The following KIF5A variants were observed in gnomAD, a reference collection of about 807,000 sequenced individuals.
KIF5A encodes kinesin family member 5A.
In KIF5A, 35 loss-of-function variants were observed where a neutral mutation model predicts 141.3. That is an observed-to-expected ratio of 0.25 (90% CI 0.19 to 0.33). KIF5A has a LOEUF of 0.33. Ranked by LOEUF, KIF5A falls within the 10% of genes least tolerant of loss-of-function variation. The pLI is 1.00. For synonymous variants in KIF5A, 448 were observed against 500.2 expected, an observed-to-expected ratio of 0.90 and a Z score of 1.39; for missense variants, 861 against 1,314.3, an observed-to-expected ratio of 0.66 and a Z score of 5.33.
At chr12:57,567,240 C>T (rs759521666) in intron 7 of KIF5A, 27 bp downstream of exon 7, 43 of 1,545,436 alleles carry the variant, frequency 2.8e-5, no homozygotes, top group Middle Eastern at 1.7e-4. Context: ...GGGGATCTCT[C>T]GAGTCTGAGG....
intron 1 of KIF5A, among the ~76,000 whole-genome samples, chr12:57,556,279 C>T (rs1303850306): frequency 6.6e-6 from 1 of 152,080 alleles, no homozygotes; most frequent in Non-Finnish European, 1.5e-5. Flanking sequence ...GCTGGGACTA[C>T]AGGCGCCTGC....
chr12:57,560,973 G>T (rs1317164024), intron 1 of KIF5A, among the ~76,000 whole-genome samples: 2 of 152,050 alleles, frequency 1.3e-5, no homozygotes, highest in Non-Finnish European at 2.9e-5. Context: ...CTACATGACA[G>T]ATGAGACCCT....
Position 57,550,214 on chromosome 12 carries a change from G to A in KIF5A, c.-58G>A, listed in dbSNP as rs1881525083. On this transcript the variant is annotated 5_prime_UTR_variant, in exon 1 of 29. Transcript: ENST00000455537. This position sits in a 1 kb window ranked among gnomAD's most constrained non-coding sequence, Gnocchi z 4.6. Reference sequence around the variant, plus strand: ...GCCTCTGCTGAGAGCCCTCTCCTCTGGAGCACACACCACCCCTGCAGCCCA... The same window carrying A: ...GCCTCTGCTGAGAGCCCTCTCCTCTAGAGCACACACCACCCCTGCAGCCCA... 1 of 1,611,296 alleles carries A rather than the reference G, an allele frequency of 6.2e-7. No homozygotes were observed.
chr12:57,569,463 C>T (rs558983874), intron 10 of KIF5A, 59 bp downstream of exon 10: 56 of 1,612,778 alleles, frequency 3.5e-5, no homozygotes, highest in Admixed American at 8.3e-5. Flanking sequence ...CCAGCCTCTG[C>T]GGCTCTCTCT....
Position 57,557,711 on chromosome 12 carries a change from G to GT in KIF5A, c.130-5718dup, listed in dbSNP as rs1436056034. ...AACTTTATTATTTTACAATTTTTCTGTTTTTTTTTTGAGATGGAGTCAGGC... is the reference window on the plus strand; with the variant it reads ...AACTTTATTATTTTACAATTTTTCTGTTTTTTTTTTTGAGATGGAGTCAGGC... On this transcript the variant is annotated intron_variant, in intron 1 of 28. Transcript: ENST00000455537. Among the ~76,000 whole-genome samples the GT allele has an allele frequency of 1.8e-3, 260 of 146,618 alleles. 1 individual carries two copies. Among genetic ancestry groups the GT allele is most frequent in the Non-Finnish European group, 2.1e-3 (140 of 66,260 alleles).
intron 1 of KIF5A, among the ~76,000 whole-genome samples, chr12:57,558,929 A>G (rs1037833564): frequency 2.6e-5 from 4 of 151,838 alleles, no homozygotes; most frequent in African/African-American, 9.7e-5. Context: ...GGCCCATGCC[A>G]CCACACCTGG....
chr12:57,576,858 C>T lies in KIF5A; in HGVS notation c.2296C>T (p.Leu766=). ...EHEKSTKLQE[L]TFLYERHEQS... ...CGAGAAGAGCACCAAGCTGCAGGAG[C>T]TGACGTGAGTGGCATGGATTTACCT... Residue 766 remains leucine, a synonymous_variant, in exon 20 of 29, where the codon CTG becomes TTG. Coordinates refer to ENST00000455537, the MANE Select transcript of KIF5A (RefSeq NM_004984.4). The T allele has an allele frequency of 6.2e-7, 1 of 1,611,982 alleles. No homozygotes were observed. The highest frequency in any genetic ancestry group is 1.1e-5 in the South Asian group (1 of 90,972).
Position 57,569,248 on chromosome 12 carries a change from TC to T in KIF5A, c.820-3del, listed in dbSNP as rs1349311406. On this transcript the variant is annotated splice_polypyrimidine_tract_variant and splice_region_variant and intron_variant, in intron 9 of 28. Coordinates refer to ENST00000455537, the MANE Select transcript of KIF5A (RefSeq NM_004984.4). Reference sequence around the variant, plus strand: ...TATTTCTGATTCCTGGTCTCCTTCCTCCCCCAGAAAAGCTATGTTCCATATC... The same window carrying T: ...TATTTCTGATTCCTGGTCTCCTTCCTCCCCAGAAAAGCTATGTTCCATATC... 7 of 1,613,502 alleles carry T rather than the reference TC, an allele frequency of 4.3e-6. No individual in the cohort carries two copies. The highest frequency in any genetic ancestry group is 5.9e-6 in the Non-Finnish European group (7 of 1,179,790).
At chr12:57,579,466 A>G (rs1882527412) in intron 23 of KIF5A, among the ~76,000 whole-genome samples, 1 of 152,104 alleles carries the variant, frequency 6.6e-6, no homozygotes, top group African/African-American at 2.4e-5. Flanking sequence ...TTTTCCTCCC[A>G]GTATAATGCC....
At chr12:57,551,050 G>A (rs573418770) in intron 1 of KIF5A, among the ~76,000 whole-genome samples, 1 of 152,162 alleles carries the variant, frequency 6.6e-6, no homozygotes, top group Non-Finnish European at 1.5e-5. Context: ...CCCAGGTACA[G>A]TAGGAAGAGG....
chr12:57,574,966 A>AC (rs995389935), intron 15 of KIF5A, 118 bp from the exon 16 acceptor site: 1 of 859,770 alleles, frequency 1.2e-6, no homozygotes, highest in African/African-American at 1.7e-5. Context: ...TTTGGAAAAT[A>AC]CCCATCCCAT....
At chr12:57,570,309 T>A in intron 12 of KIF5A, 147 bp downstream of exon 12, 1 of 753,462 alleles carries the variant, frequency 1.3e-6, no homozygotes, top group Non-Finnish European at 2.1e-6. Flanking sequence ...TAAATGTATG[T>A]AAGAAAATTA....
In KIF5A at chr12:57,578,270, G is replaced by A. The variant is rs759472256; in HGVS notation, c.2466G>A (p.Gly822=). 2 of 1,614,028 alleles carry A rather than the reference G, an allele frequency of 1.2e-6. No homozygotes were observed. The highest frequency in any genetic ancestry group is 2.2e-5 in the South Asian group (2 of 91,074). The change falls in exon 23 of 29, where the codon GGG becomes GGA. Residue 822 remains glycine (G), a synonymous_variant. Coordinates refer to ENST00000455537, the MANE Select transcript of KIF5A (RefSeq NM_004984.4). ...AAATGGAGCCCGAAGACAGTGGGGG[G>A]ATTCACTCCCAAAAGCAGAAGATTT... ...SAEMEPEDSG[G]IHSQKQKISF...
chr12:57,574,329 G>C (rs1318072771), intron 15 of KIF5A, among the ~76,000 whole-genome samples: 6 of 150,168 alleles, frequency 4.0e-5, no homozygotes, highest in Non-Finnish European at 8.9e-5. Flanking sequence ...CTGGAGTGCA[G>C]TGGTGTGATC....
At position 57,552,542 on chromosome 12, in the gene KIF5A, A is replaced by G. The variant is rs922913836; in HGVS notation, c.129+2142A>G. On this transcript the variant is annotated intron_variant, in intron 1 of 28. Coordinates refer to ENST00000455537, the MANE Select transcript of KIF5A (RefSeq NM_004984.4). Reference sequence around the variant, plus strand: ...GAAGATAAATGCTTACGGGGGGGCCATTTTGTCTTAGGCAACATCCTTGGA... The same window carrying G: ...GAAGATAAATGCTTACGGGGGGGCCGTTTTGTCTTAGGCAACATCCTTGGA... 1.1e-4 allele frequency among the ~76,000 whole-genome samples: 17 copies of G among 152,226 alleles called. No individual in the cohort carries two copies. In the South Asian group the frequency reaches 1.9e-3, roughly 17 times the overall value.
At position 57,572,486 on chromosome 12, in the gene KIF5A, C is replaced by T. The variant is rs959140467; in HGVS notation, c.1570-94C>T. On this transcript the variant is annotated intron_variant, in intron 14 of 28. Transcript: ENST00000455537. This position sits in a 1 kb window ranked among gnomAD's most constrained non-coding sequence, Gnocchi z 4.2. ...GGGCCTGTGTTCTCTTCATAGCAGCCCTCAGGGTCTTGCATGAAGGGAGAG... is the reference window on the plus strand; with the variant it reads ...GGGCCTGTGTTCTCTTCATAGCAGCTCTCAGGGTCTTGCATGAAGGGAGAG... The T allele has an allele frequency of 2.0e-6, 3 of 1,527,298 alleles. No homozygotes were observed. In the African/African-American group the frequency reaches 4.1e-5, roughly 21 times the overall value. The allele number at this position is 1,527,298 out of a possible 1,614,324, so 94.6% of individuals were successfully genotyped here.
chr12:57,571,729 G>A (rs1390901669), intron 13 of KIF5A, among the ~76,000 whole-genome samples: 1 of 151,900 alleles, frequency 6.6e-6, no homozygotes, highest in Admixed American at 6.6e-5. Context: ...CACCACACAT[G>A]GCTAATTTTT....
In KIF5A at chr12:57,570,141, C is replaced by G; in HGVS notation, c.1272C>G (p.Leu424=). Reference sequence around the variant, plus strand: ...AATACGAGGAGGAGATCCGCCGTCTCTATAAGCAGCTTGACGACAAGGTGA... The same window carrying G: ...AATACGAGGAGGAGATCCGCCGTCTGTATAAGCAGCTTGACGACAAGGTGA... ...RQKYEEEIRR[L]YKQLDDKDDE... The change falls in exon 12 of 29, where the codon CTC becomes CTG. Residue 424 remains leucine, a synonymous_variant. Coordinates refer to ENST00000455537, the MANE Select transcript of KIF5A (RefSeq NM_004984.4). The G allele has an allele frequency of 6.2e-7, 1 of 1,613,910 alleles. No homozygotes were observed. The highest frequency in any genetic ancestry group is 1.7e-4 in the Middle Eastern group (1 of 6,016).
intron 23 of KIF5A, 144 bp from the exon 24 acceptor site, chr12:57,580,812 G>C: frequency 1.3e-6 from 1 of 758,762 alleles, no homozygotes; most frequent in South Asian, 1.5e-5. Context: ...GAGGCCTTTT[G>C]AGGAAATGAC....
Sources: gnomAD v4.1 joint callset for allele counts (sites outside exome capture counted in the v4.1 genomes callset) on GRCh38, gnomAD v4.1.1 for gene constraint, Gnocchi (gnomAD v3.1) non-coding constraint, MANE v1.5 for transcripts, NCBI Gene and HGNC (gene_info 2026-07-23, HGNC 2026-07-21) for gene names.